COL5A2: variants seen among roughly 807,000 people sequenced by gnomAD.
COL5A2 encodes collagen type V alpha 2 chain, also known as collagen alpha-2(V) chain.
Under a neutral mutation model 208.2 loss-of-function variants are expected in COL5A2, and 23 were observed. The observed-to-expected ratio is 0.11, with a 90% CI of 0.08 to 0.16. COL5A2 has a LOEUF of 0.16. Among genes scored for constraint, COL5A2 ranks in the 10% least tolerant of loss-of-function variants. The probability of loss-of-function intolerance (pLI) is 1.00; values close to 1 mark genes in which losing one functional copy is unlikely to be tolerated. For missense variants in COL5A2, 1,590 were observed against 1,956.4 expected, an observed-to-expected ratio of 0.81 and a Z score of 3.53; for synonymous variants, 625 against 628.5, an observed-to-expected ratio of 0.99 and a Z score of 0.08.
the COL5A2 span, among the ~76,000 whole-genome samples, chr2:189,382,335 G>A: frequency 6.6e-6 from 1 of 152,032 alleles, no homozygotes; most frequent in Non-Finnish European, 1.5e-5. Flanking sequence ...TCCAGCCTGG[G>A]TGACAGAGTA....
Position 189,033,267 on chromosome 2 carries a change from G to A in COL5A2, c.*803C>T, listed in dbSNP as rs576152710. On this transcript the variant is annotated 3_prime_UTR_variant, in exon 54 of 54. Coordinates refer to ENST00000374866, the MANE Select transcript of COL5A2 (RefSeq NM_000393.5). ...TCAATATCTTCTTAAATAAGAAAGTGTAAATGTATTAAATGGTATATACTA... is the reference window on the plus strand; with the variant it reads ...TCAATATCTTCTTAAATAAGAAAGTATAAATGTATTAAATGGTATATACTA... 1 of 152,548 alleles carries A rather than the reference G, an allele frequency of 6.6e-6. No individual in the cohort carries two copies. The highest frequency in any genetic ancestry group is 1.5e-5 in the Non-Finnish European group (1 of 68,004). 9.4% of individuals were successfully genotyped at this position (152,548 alleles called of 1,614,324 possible).
At position 189,034,903 on chromosome 2, in the gene COL5A2, A is replaced by G. The variant is rs1327314266; in HGVS notation, c.4353+13T>C. On this transcript the variant is annotated intron_variant, in intron 53 of 53. Coordinates refer to ENST00000374866, the MANE Select transcript of COL5A2 (RefSeq NM_000393.5). Reference sequence around the variant, plus strand: ...TTCCTCAACCAGATCAATGTAGATCAAAAAGTACTTACAGAGCAAGTGTCT... The same window carrying G: ...TTCCTCAACCAGATCAATGTAGATCGAAAAGTACTTACAGAGCAAGTGTCT... The G allele has an allele frequency of 6.2e-7, 1 of 1,613,744 alleles. No individual in the cohort carries two copies. Among genetic ancestry groups the G allele is most frequent in the African/African-American group, 1.3e-5 (1 of 74,910 alleles).
intron 24 of COL5A2, 35 bp from the exon 25 acceptor site, chr2:189,064,690 G>C (rs199650320): frequency 1.4e-6 from 2 of 1,423,722 alleles, no homozygotes; most frequent in Non-Finnish European, 2.0e-6. Context: ...TGAAGAAAAA[G>C]AGTATAGAAA....
At chr2:189,351,926 T>C in the COL5A2 span, among the ~76,000 whole-genome samples, 1 of 152,088 alleles carries the variant, frequency 6.6e-6, no homozygotes, top group African/African-American at 2.4e-5. Context: ...GTCATCTACA[T>C]TAGGTATCTC....
the COL5A2 span, among the ~76,000 whole-genome samples, chr2:189,428,042 T>C: frequency 6.6e-6 from 1 of 152,362 alleles, no homozygotes; most frequent in East Asian, 1.9e-4. Flanking sequence ...AAGGAGACTT[T>C]GGACTGTGGA....
chr2:189,242,493 CAT>C, the COL5A2 span, among the ~76,000 whole-genome samples: 1 of 152,120 alleles, frequency 6.6e-6, no homozygotes, highest in Admixed American at 6.6e-5. Context: ...CACACACACA[CAT>C]GACCTTCTGG....
At chr2:189,098,834 G>T in intron 4 of COL5A2, 75 bp from the exon 5 acceptor site, 1 of 1,075,232 alleles carries the variant, frequency 9.3e-7, no homozygotes, top group Non-Finnish European at 1.4e-6. Context: ...TAACAAATAA[G>T]AATAACAACA....
chr2:189,231,561 A>C, the COL5A2 span, among the ~76,000 whole-genome samples: 1 of 151,780 alleles, frequency 6.6e-6, no homozygotes, highest in African/African-American at 2.4e-5. Context: ...ATGTAGATAC[A>C]TATTATGTTC....
chr2:189,064,942 GA>G, intron 24 of COL5A2, 61 bp downstream of exon 24: 1 of 1,528,708 alleles, frequency 6.5e-7, no homozygotes, highest in South Asian at 1.1e-5. Flanking sequence ...TCACCGTGCT[GA>G]AAAATGGCAT....
intron 1 of COL5A2, among the ~76,000 whole-genome samples, chr2:189,171,190 C>CA (rs1409332958): frequency 5.3e-5 from 8 of 151,860 alleles, no homozygotes; most frequent in African/African-American, 9.7e-5. Flanking sequence ...CTGAGAATGA[C>CA]AGTTGATGCG....
At chr2:189,100,263 A>T in intron 3 of COL5A2, 124 bp from the exon 4 acceptor site, 1 of 737,610 alleles carries the variant, frequency 1.4e-6, no homozygotes, top group Non-Finnish European at 2.4e-6. Context: ...AATGCAAAAA[A>T]CTACAAAAAG....
the COL5A2 span, among the ~76,000 whole-genome samples, chr2:189,346,439 T>C: frequency 5.1e-3 from 776 of 152,324 alleles, 6 homozygotes; most frequent in South Asian, 8.7e-3. Flanking sequence ...GAGCTATGTA[T>C]ACATTTCATA....
chr2:189,225,221 A>G (rs1689398619), exon 1 of COL5A2, among the ~76,000 whole-genome samples: 1 of 152,124 alleles, frequency 6.6e-6, no homozygotes, highest in Admixed American at 6.6e-5. Context: ...GGTACGAGAG[A>G]TAGCAGCAAC....
chr2:189,076,365 C>A (rs1421693159), intron 16 of COL5A2, among the ~76,000 whole-genome samples: 1 of 152,130 alleles, frequency 6.6e-6, no homozygotes. Context: ...TCACCCTTGG[C>A]ATGCCGCGAT....
the COL5A2 span, among the ~76,000 whole-genome samples, chr2:189,302,174 C>T: frequency 6.6e-6 from 1 of 152,082 alleles, no homozygotes; most frequent in Non-Finnish European, 1.5e-5. Context: ...GCAAATTTGC[C>T]TGTTCAAAGT....
intron 10 of COL5A2, 24 bp downstream of exon 10, chr2:189,085,695 T>C: frequency 6.2e-7 from 1 of 1,608,288 alleles, no homozygotes. Context: ...TGTAACTGGG[T>C]CTACATGCTT....
the COL5A2 span, among the ~76,000 whole-genome samples, chr2:189,313,071 A>G: frequency 6.6e-6 from 1 of 152,078 alleles, no homozygotes; most frequent in Non-Finnish European, 1.5e-5. Context: ...TGCAATCACA[A>G]GTATTAATAG....
intron 17 of COL5A2, 109 bp downstream of exon 17, chr2:189,075,284 T>A: frequency 1.3e-6 from 1 of 767,742 alleles, no homozygotes; most frequent in Non-Finnish European, 2.3e-6. Flanking sequence ...ATCAACTTTT[T>A]ATTCCAAGTG....
the COL5A2 span, among the ~76,000 whole-genome samples, chr2:189,300,451 T>C: frequency 6.6e-6 from 1 of 152,216 alleles, no homozygotes; most frequent in Non-Finnish European, 1.5e-5. Context: ...TGTGTGTATA[T>C]GGCAGCAAAT....
Sources: gnomAD v4.1 joint callset for allele counts (sites outside exome capture counted in the v4.1 genomes callset) on GRCh38, gnomAD v4.1.1 for gene constraint, MANE v1.5 for transcripts, NCBI Gene and HGNC (gene_info 2026-07-23, HGNC 2026-07-21) for gene names.